TYW1: variants seen among roughly 807,000 people sequenced by gnomAD.
TYW1 encodes the protein S-adenosyl-L-methionine-dependent tRNA 4-demethylwyosine synthase TYW1.
TYW1 carries 46 observed loss-of-function variants against 96.2 expected under a neutral mutation model. That is an observed-to-expected ratio of 0.48 (90% CI 0.38 to 0.61). The LOEUF is 0.61. Ranked by LOEUF, TYW1 falls within the 20% of genes least tolerant of loss-of-function variation. The probability of loss-of-function intolerance (pLI) is 0.00; values close to 1 mark genes in which losing one functional copy is unlikely to be tolerated. For synonymous variants in TYW1, 274 were observed against 323.0 expected, an observed-to-expected ratio of 0.85 and a Z score of 1.63; for missense variants, 684 against 909.6, an observed-to-expected ratio of 0.75 and a Z score of 3.19.
intron 13 of TYW1, among the ~76,000 whole-genome samples, chr7:67,180,767 C>T (rs574445237): frequency 6.6e-6 from 1 of 152,090 alleles, no homozygotes; most frequent in South Asian, 2.1e-4. Context: ...CTCAGCCTCC[C>T]AAGTAGCTGG....
At chr7:67,217,846 CTTTTTT>C (rs57748332) in intron 15 of TYW1, among the ~76,000 whole-genome samples, 45 of 69,258 alleles carry the variant, frequency 6.5e-4, no homozygotes, top group Non-Finnish European at 9.5e-4. Context: ...GTGTTGATGT[CTTTTTT>C]TTTTTTTTTT....
intron 12 of TYW1, among the ~76,000 whole-genome samples, chr7:67,110,336 G>A (rs1412202358): frequency 6.6e-6 from 1 of 152,118 alleles, no homozygotes; most frequent in Non-Finnish European, 1.5e-5. Flanking sequence ...CTGTGCTTTT[G>A]GTTCTTACTG....
At chr7:66,997,263 A>G (rs932440948) in intron 1 of TYW1, among the ~76,000 whole-genome samples, 1 of 152,106 alleles carries the variant, frequency 6.6e-6, no homozygotes, top group African/African-American at 2.4e-5. Flanking sequence ...TCAGGCCTCG[A>G]CTTTTGAAAT....
chr7:67,106,760 A>G (rs1421991126), intron 12 of TYW1, among the ~76,000 whole-genome samples: 2 of 152,190 alleles, frequency 1.3e-5, no homozygotes, highest in African/African-American at 2.4e-5. Flanking sequence ...TAAAATTTAC[A>G]TTTAGAATCT....
intron 13 of TYW1, among the ~76,000 whole-genome samples, chr7:67,128,967 G>A (rs1479596388): frequency 6.6e-6 from 1 of 152,170 alleles, no homozygotes; most frequent in Admixed American, 6.5e-5. Flanking sequence ...GGGATTACAG[G>A]TGTGAGCCAC....
intron 4 of TYW1, 29 bp from the exon 5 acceptor site, chr7:67,014,338 T>C (rs1793933585): frequency 6.4e-7 from 1 of 1,566,356 alleles, no homozygotes; most frequent in East Asian, 2.3e-5. Flanking sequence ...CCTTGTATGT[T>C]CCACTGAAAC....
chr7:67,184,617 AT>A (rs1175325755), intron 14 of TYW1, among the ~76,000 whole-genome samples: 2 of 78,596 alleles, frequency 2.5e-5, no homozygotes, highest in African/African-American at 7.7e-5. Context: ...ATTTTATTTT[AT>A]TTTATTTTAT....
chr7:67,089,494 T>G, intron 11 of TYW1: 1 of 951,970 alleles, frequency 1.1e-6, no homozygotes. Flanking sequence ...TTTACCTCAC[T>G]CTGGCTTGGA....
intron 14 of TYW1, among the ~76,000 whole-genome samples, chr7:67,187,233 T>C (rs1800058017): frequency 6.6e-6 from 1 of 152,048 alleles, no homozygotes; most frequent in South Asian, 2.1e-4. Context: ...TTGGCCAATT[T>C]GTGTACTTTT....
intron 15 of TYW1, among the ~76,000 whole-genome samples, chr7:67,230,563 C>G (rs973194634): frequency 3.3e-5 from 5 of 151,750 alleles, no homozygotes; most frequent in African/African-American, 9.7e-5. Flanking sequence ...CTAGGTGATT[C>G]ATTTGGTATT....
intron 6 of TYW1, 127 bp downstream of exon 6, chr7:67,018,270 GGCTC>G: frequency 7.9e-7 from 1 of 1,260,192 alleles, no homozygotes; most frequent in South Asian, 1.5e-5. Flanking sequence ...TGAGTGCAGT[GGCTC>G]GCACTTGTAA....
chr7:67,029,915 G>A (rs530995301), intron 7 of TYW1, among the ~76,000 whole-genome samples: 1 of 152,040 alleles, frequency 6.6e-6, no homozygotes, highest in South Asian at 2.1e-4. Flanking sequence ...TGCCCAGGCC[G>A]ATCTAGGTTG....
intron 4 of TYW1, among the ~76,000 whole-genome samples, chr7:67,011,158 C>G (rs576143078): frequency 4.6e-5 from 7 of 152,270 alleles, no homozygotes; most frequent in Admixed American, 3.3e-4. Context: ...CTACCTCAGC[C>G]TCCTGAGTAG....
intron 15 of TYW1, among the ~76,000 whole-genome samples, chr7:67,202,588 G>T (rs140600342): frequency 6.1e-4 from 93 of 152,054 alleles, no homozygotes; most frequent in East Asian, 1.5e-3. Flanking sequence ...ATTGAGATGG[G>T]GTCCCACTGT....
At chr7:67,209,543 CA>C (rs1800927336) in intron 15 of TYW1, among the ~76,000 whole-genome samples, 1 of 152,010 alleles carries the variant, frequency 6.6e-6, no homozygotes, top group Admixed American at 6.6e-5. Context: ...AGCAGTGTTT[CA>C]AAACTTCATT....
At chr7:67,207,879 C>T (rs1370432131) in intron 15 of TYW1, among the ~76,000 whole-genome samples, 1 of 151,906 alleles carries the variant, frequency 6.6e-6, no homozygotes, top group African/African-American at 2.4e-5. Context: ...TGACACCATG[C>T]CCAGCTATTT....
chr7:67,007,791 C>T (rs774359196), intron 3 of TYW1, among the ~76,000 whole-genome samples: 2 of 152,042 alleles, frequency 1.3e-5, no homozygotes, highest in Non-Finnish European at 2.9e-5. Flanking sequence ...CCCACCACCA[C>T]TCCTGGCTAA....
intron 13 of TYW1, among the ~76,000 whole-genome samples, chr7:67,134,787 T>C (rs934844243): frequency 6.6e-6 from 1 of 150,972 alleles, no homozygotes; most frequent in African/African-American, 2.4e-5. Flanking sequence ...GTGTTTTTTT[T>C]TTTTTTAATA....
intron 1 of TYW1, among the ~76,000 whole-genome samples, 193 bp downstream of exon 1, chr7:66,997,175 C>T (rs1793196234): frequency 1.3e-5 from 2 of 152,222 alleles, no homozygotes. Flanking sequence ...CCTTTTGAGG[C>T]TAGGGGGTTA....
Sources: gnomAD v4.1 joint callset for allele counts (sites outside exome capture counted in the v4.1 genomes callset) on GRCh38, gnomAD v4.1.1 for gene constraint, MANE v1.5 for transcripts, NCBI Gene and HGNC (gene_info 2026-07-23, HGNC 2026-07-21) for gene names.